Variants in SORCS2 observed in about 807,000 individuals in gnomAD.
SORCS2 encodes sortilin related VPS10 domain containing receptor 2.
A neutral mutation model predicts 141.6 loss-of-function variants in SORCS2; 100 were observed. The observed-to-expected ratio is 0.71, with a 90% CI of 0.60 to 0.83. SORCS2 has a LOEUF of 0.83. Among genes scored for constraint, SORCS2 ranks in the 40% least tolerant of loss-of-function variants. The probability of loss-of-function intolerance (pLI) is 0.00; values close to 1 mark genes in which losing one functional copy is unlikely to be tolerated. For missense variants in SORCS2, 1,646 were observed against 1,560.2 expected (o/e 1.05, Z -0.93); for synonymous variants, 789 against 676.9 (o/e 1.17, Z -2.57).
chr4:7,632,406 C>T (rs889873383), intron 3 of SORCS2, among the ~76,000 whole-genome samples: 2 of 152,156 alleles, frequency 1.3e-5, no homozygotes, highest in African/African-American at 2.4e-5. Flanking sequence ...TTGGAGGAAC[C>T]ACTGCCAGCT....
At chr4:7,635,588 C>T (rs1401623906) in intron 3 of SORCS2, among the ~76,000 whole-genome samples, 2 of 152,150 alleles carry the variant, frequency 1.3e-5, no homozygotes, top group Admixed American at 6.6e-5. Context: ...GTACAGTAAG[C>T]GTACTTCCTT....
intron 3 of SORCS2, among the ~76,000 whole-genome samples, chr4:7,600,564 C>T (rs947302023): frequency 6.6e-6 from 1 of 151,974 alleles, no homozygotes; most frequent in African/African-American, 2.4e-5. Flanking sequence ...CACCTGTGCT[C>T]CTCTGGGGAA....
At chr4:7,564,696 C>T (rs1051813992) in intron 3 of SORCS2, among the ~76,000 whole-genome samples, 2 of 152,216 alleles carry the variant, frequency 1.3e-5, no homozygotes, top group Non-Finnish European at 2.9e-5. Context: ...CAGCATCCAT[C>T]CCAGTTTTCA....
intron 1 of SORCS2, among the ~76,000 whole-genome samples, chr4:7,315,907 G>A (rs1438219392): frequency 2.0e-5 from 3 of 152,078 alleles, no homozygotes; most frequent in Non-Finnish European, 4.4e-5. Context: ...TACCATTTCT[G>A]CCTCCATCTG....
intron 4 of SORCS2, among the ~76,000 whole-genome samples, chr4:7,645,266 A>G (rs1396294358): frequency 1.3e-5 from 2 of 152,172 alleles, no homozygotes; most frequent in African/African-American, 2.4e-5. Flanking sequence ...GAGGTGACCA[A>G]CCATCCTTCT....
intron 1 of SORCS2, among the ~76,000 whole-genome samples, chr4:7,360,786 T>C (rs974456837): frequency 1.3e-5 from 2 of 151,726 alleles, no homozygotes; most frequent in African/African-American, 4.8e-5. Context: ...GGTTTCACCA[T>C]GTTGCCAAGC....
At chr4:7,215,949 G>A (rs57663222) in intron 1 of SORCS2, among the ~76,000 whole-genome samples, 47,208 of 150,248 alleles carry the variant, frequency 0.31, 8,137 homozygotes, top group Non-Finnish European at 0.39. Context: ...GCAGGCTGCC[G>A]GAGCCAGCAG....
At chr4:7,475,354 G>A (rs1276127075) in intron 2 of SORCS2, among the ~76,000 whole-genome samples, 1 of 152,186 alleles carries the variant, frequency 6.6e-6, no homozygotes, top group Non-Finnish European at 1.5e-5. Flanking sequence ...TGCCACAAGG[G>A]TGAGGGGGCG....
intron 1 of SORCS2, among the ~76,000 whole-genome samples, chr4:7,308,501 C>T (rs1220878214): frequency 6.6e-6 from 1 of 152,152 alleles, no homozygotes; most frequent in Admixed American, 6.5e-5. Context: ...CCATCCCCTT[C>T]CTGGGTTTCT....
At chr4:7,296,775 G>T (rs531050415) in intron 1 of SORCS2, among the ~76,000 whole-genome samples, 23 of 152,328 alleles carry the variant, frequency 1.5e-4, no homozygotes, top group Admixed American at 1.2e-3. Context: ...GAAGACATCA[G>T]ACTCTTTCCG....
rs1482004945 is a variant in SORCS2 at position 7,734,720 on chromosome 4, A to C, written c.3311+346A>C. Among the ~76,000 whole-genome samples the C allele has an allele frequency of 2.0e-5, 3 of 152,208 alleles. No homozygotes were observed. The East Asian group carries it at 5.8e-4, about 29-fold the overall frequency. On this transcript the variant is annotated intron_variant, in intron 25 of 26. Transcript: ENST00000507866. ...GAGGAAACCAGGCTCAGAGAGGTTA[A>C]GCAGTGTGCCCAAGGTAACACAGAC...
intron 3 of SORCS2, among the ~76,000 whole-genome samples, chr4:7,597,442 G>T (rs981294177): frequency 1.5e-5 from 2 of 137,256 alleles, no homozygotes; most frequent in African/African-American, 5.6e-5. Context: ...TGGGGAGGAG[G>T]TTACTGCAAT....
At chr4:7,669,524 C>T (rs1722678850) in intron 8 of SORCS2, among the ~76,000 whole-genome samples, 1 of 152,256 alleles carries the variant, frequency 6.6e-6, no homozygotes, top group Non-Finnish European at 1.5e-5. Flanking sequence ...CAGTGTTTCC[C>T]ACCAACAACT....
At chr4:7,317,219 A>C (rs926749278) in intron 1 of SORCS2, among the ~76,000 whole-genome samples, 2 of 152,200 alleles carry the variant, frequency 1.3e-5, no homozygotes, top group Non-Finnish European at 2.9e-5. Flanking sequence ...CGGTGACTAT[A>C]GTGATCATAC....
At chr4:7,330,063 C>T (rs989849684) in intron 1 of SORCS2, among the ~76,000 whole-genome samples, 2 of 151,832 alleles carry the variant, frequency 1.3e-5, no homozygotes, top group African/African-American at 4.8e-5. Flanking sequence ...CCCCCAGCTT[C>T]TTAGGGGCCA....
chr4:7,391,298 C>CT (rs1723844618), intron 1 of SORCS2, among the ~76,000 whole-genome samples: 2 of 152,202 alleles, frequency 1.3e-5, no homozygotes, highest in South Asian at 4.1e-4. Context: ...AGCCAGCCCC[C>CT]TTTCCCCAGA....
intron 2 of SORCS2, among the ~76,000 whole-genome samples, chr4:7,494,209 G>A (rs148245263): frequency 3.3e-4 from 50 of 152,272 alleles, no homozygotes; most frequent in African/African-American, 1.1e-3. Flanking sequence ...CTTCCCATAC[G>A]ATGACAGACT....
chr4:7,457,412 C>T (rs543254412), intron 2 of SORCS2, among the ~76,000 whole-genome samples: 1 of 152,122 alleles, frequency 6.6e-6, no homozygotes, highest in Non-Finnish European at 1.5e-5. Flanking sequence ...GTGAACATCG[C>T]AAGCTGGCAG....
At chr4:7,675,330 C>A (rs1387813316) in intron 8 of SORCS2, among the ~76,000 whole-genome samples, 1 of 152,190 alleles carries the variant, frequency 6.6e-6, no homozygotes, top group Admixed American at 6.5e-5. Flanking sequence ...CTTACAGGGT[C>A]CTGGTGGGGC....
Sources: gnomAD v4.1 joint callset for allele counts (sites outside exome capture counted in the v4.1 genomes callset) on GRCh38, gnomAD v4.1.1 for gene constraint, MANE v1.5 for transcripts, NCBI Gene and HGNC (gene_info 2026-07-23, HGNC 2026-07-21) for gene names.